The following HNRNPK variants were observed in gnomAD, a reference collection of about 807,000 sequenced individuals.
HNRNPK encodes dC-stretch binding protein.
Under a neutral mutation model 67.0 loss-of-function variants are expected in HNRNPK, and 7 were observed. The ratio of observed to expected loss-of-function variants is 0.10; its 90% CI spans 0.06 to 0.20. The LOEUF (loss-of-function observed/expected upper bound fraction) is 0.20, where lower values mean the gene tolerates loss of function less well. Ranked by LOEUF, HNRNPK falls within the 10% of genes least tolerant of loss-of-function variation. HNRNPK has a pLI of 1.00. For synonymous variants in HNRNPK, 213 were observed against 193.7 expected (o/e 1.10, Z -0.83); for missense variants, 264 against 606.5 (o/e 0.44, Z 5.93).
At chr9:83,975,997 G>A (rs1234530925) in intron 5 of HNRNPK, among the ~76,000 whole-genome samples, 1 of 152,022 alleles carries the variant, frequency 6.6e-6, no homozygotes, top group Non-Finnish European at 1.5e-5. Context: ...GAGGAAATGG[G>A]GAAATTAATA....
At chr9:83,979,244 G>A (rs1295490454) in intron 1 of HNRNPK, among the ~76,000 whole-genome samples, 4 of 152,188 alleles carry the variant, frequency 2.6e-5, no homozygotes, top group Non-Finnish European at 5.9e-5. Context: ...AACAAGCGAG[G>A]CACATTTATG....
In HNRNPK at chr9:83,973,264, G is replaced by A. The variant is rs200301052; in HGVS notation, c.516+22C>T. On this transcript the variant is annotated intron_variant, in intron 9 of 16. Transcript: ENST00000376263. ...AAATTTACTTTCCAGCAAAGAATACGGCAGAATTTTTTTTTTTTTACCTCT... is the reference window on the plus strand; with the variant it reads ...AAATTTACTTTCCAGCAAAGAATACAGCAGAATTTTTTTTTTTTTACCTCT... The A allele has an allele frequency of 4.9e-5, 64 of 1,297,488 alleles. No homozygotes were observed. In the East Asian group the frequency reaches 9.9e-4, roughly 20 times the overall value. The allele number at this position is 1,297,488 out of a possible 1,614,324, so 80.4% of individuals were successfully genotyped here.
chr9:83,968,615 G>C lies in HNRNPK; in HGVS notation c.*792C>G, dbSNP rs7884. The C allele has an allele frequency of 1.3e-5, 2 of 152,522 alleles. No individual in the cohort carries two copies. Among genetic ancestry groups the C allele is most frequent in the South Asian group, 4.2e-4 (2 of 4,816 alleles). 9.4% of individuals were successfully genotyped at this position (152,522 alleles called of 1,614,324 possible). Reference sequence around the variant, plus strand: ...ACCTTAGTTCTTCACAACTAACATAGAAAATTGTTGAAAAGTAGGGGCAAG... The same window carrying C: ...ACCTTAGTTCTTCACAACTAACATACAAAATTGTTGAAAAGTAGGGGCAAG... On this transcript the variant is annotated 3_prime_UTR_variant, in exon 17 of 17. Coordinates refer to ENST00000376263, the MANE Select transcript of HNRNPK (RefSeq NM_031263.4).
intron 16 of HNRNPK, 95 bp downstream of exon 16, chr9:83,970,067 A>C: frequency 4.1e-6 from 4 of 985,696 alleles, no homozygotes; most frequent in South Asian, 1.6e-5. Flanking sequence ...AGGTTGAGAC[A>C]CCATGGCTTC....
At chr9:83,974,875 G>C (rs1957007205) in intron 6 of HNRNPK, among the ~76,000 whole-genome samples, 1 of 152,206 alleles carries the variant, frequency 6.6e-6, no homozygotes, top group South Asian at 2.1e-4. Context: ...AAGCAGAGTT[G>C]AATATTTATG....
rs143712714 is a variant in HNRNPK, at chr9:83,970,809, A to G, written c.1119T>C (p.Tyr373=). The change falls in exon 15 of 17, where the codon TAT becomes TAC. Residue 373 remains tyrosine (Y), a synonymous_variant. Coordinates refer to ENST00000376263, the MANE Select transcript of HNRNPK (RefSeq NM_031263.4). ...CACCATATGAGCCACGACCCCCTGC[A>G]TAGGAATAATCTGATTTAAATAATG... ...PQGGSGYDYS[Y]AGGRGSYGDL... is the part of the protein sequence containing the mutation. The G allele has an allele frequency of 9.9e-6, 16 of 1,611,286 alleles. No homozygotes were observed. Among genetic ancestry groups the G allele is most frequent in the Admixed American group, 5.0e-5 (3 of 59,996 alleles).
intron 5 of HNRNPK, chr9:83,975,752 A>G (rs1315873903): frequency 3.5e-6 from 2 of 569,394 alleles, no homozygotes; most frequent in Non-Finnish European, 6.3e-6. Context: ...GGGGAAAAGC[A>G]ATAAATTTTA....
intron 1 of HNRNPK, among the ~76,000 whole-genome samples, chr9:83,979,865 C>G (rs542329188): frequency 1.4e-4 from 22 of 152,312 alleles, no homozygotes; most frequent in Admixed American, 3.3e-4. Context: ...GACCTTCTCC[C>G]CGCACCGGCC....
At position 83,969,189 on chromosome 9, in the gene HNRNPK, C is replaced by T; in HGVS notation, c.*218G>A. 1.8e-6 allele frequency: 1 copy of T among 565,018 alleles called. No homozygotes were observed. 35.0% of individuals were successfully genotyped at this position (565,018 alleles called of 1,614,324 possible). A position where few individuals can be genotyped will look rare whatever the true frequency, so the allele number is the denominator to read the frequency against. On this transcript the variant is annotated 3_prime_UTR_variant, in exon 17 of 17. Transcript: ENST00000376263. Reference sequence around the variant, plus strand: ...AGTTTTTGCACGCCCTTCCCCCCCCCAACCCTGTTTGTAAGGAACTAAAAC... The same window carrying T: ...AGTTTTTGCACGCCCTTCCCCCCCCTAACCCTGTTTGTAAGGAACTAAAAC...
At chr9:83,978,128 A>C (rs1193258407) in intron 3 of HNRNPK, 67 bp downstream of exon 3, 1 of 1,030,346 alleles carries the variant, frequency 9.7e-7, no homozygotes, top group African/African-American at 1.6e-5. Flanking sequence ...TAAGGCAATA[A>C]TTAACAGAAA....
Position 83,970,045 on chromosome 9 carries a change from T to C in HNRNPK, c.1361+117A>G. ...GCAAACTATTAGAATGTTTAGAAGT[T>C]AGGTCCCCAAAAGGTTGAGACACCA... On this transcript the variant is annotated intron_variant, in intron 16 of 16. Transcript: ENST00000376263. 3.9e-6 allele frequency: 3 copies of C among 774,200 alleles called. No homozygotes were observed. The South Asian group carries it at 5.1e-5, about 13-fold the overall frequency. The allele number at this position is 774,200 out of a possible 1,614,324, so 48.0% of individuals were successfully genotyped here.
chr9:83,972,973 C>CTG lies in HNRNPK; in HGVS notation c.517-3_517-2dup, dbSNP rs1167265830. The CTG allele has an allele frequency of 4.4e-6, 7 of 1,592,312 alleles. No individual in the cohort carries two copies. Among genetic ancestry groups the CTG allele is most frequent in the Admixed American group, 1.7e-5 (1 of 58,130 alleles). ...AAAGCTTGATGGTGGTTTGAGTGTT[C>CTG]TGTAGTAAGATCATAAAAAAAAATA... is the stretch of plus-strand genomic sequence containing the variant. On this transcript the variant is annotated splice_acceptor_variant, in intron 9 of 16. Transcript: ENST00000376263. LOFTEE classifies it high-confidence loss of function.
intron 13 of HNRNPK, 43 bp from the exon 14 acceptor site, chr9:83,970,955 T>C (rs755988059): frequency 1.9e-6 from 3 of 1,584,464 alleles, no homozygotes; most frequent in African/African-American, 2.7e-5. Flanking sequence ...TTTGCCGTTG[T>C]AATTACTACC....
intron 9 of HNRNPK, 73 bp downstream of exon 9, chr9:83,973,210 GAGA>G (rs1956934094): frequency 1.1e-6 from 1 of 904,528 alleles, no homozygotes; most frequent in African/African-American, 1.7e-5. Flanking sequence ...GGGGAAGCGA[GAGA>G]AGCTCACAGA....
At chr9:83,969,891 AT>A in intron 16 of HNRNPK, 1 of 611,778 alleles carries the variant, frequency 1.6e-6, no homozygotes, top group Non-Finnish European at 3.2e-6. Context: ...GCTCTGTACA[AT>A]TTTTAACAAG....
At chr9:83,972,653 C>T (rs1357285020) in intron 10 of HNRNPK, among the ~76,000 whole-genome samples, 191 bp downstream of exon 10, 1 of 152,182 alleles carries the variant, frequency 6.6e-6, no homozygotes, top group East Asian at 1.9e-4. Context: ...GAAATACCAC[C>T]AACAAATTAC....
intron 15 of HNRNPK, 71 bp from the exon 16 acceptor site, chr9:83,970,402 C>T: frequency 8.4e-7 from 1 of 1,194,548 alleles, no homozygotes. Flanking sequence ...TTTCAAGGAG[C>T]ATGAAGTTAT....
At chr9:83,976,604 CAAAA>C (rs1957074359) in intron 5 of HNRNPK, 1 of 158,106 alleles carries the variant, frequency 6.3e-6, no homozygotes, top group African/African-American at 2.4e-5. Flanking sequence ...CCAAAGAAAA[CAAAA>C]AAATTTTTCT....
In HNRNPK at chr9:83,971,990, T is replaced by G; in HGVS notation, c.845A>C (p.Asp282Ala). ...AGGTGGTCCTCGACGAGGGCTCATA[T>G]CATCATAATCTCTTCTAGATGGAGG... ...PMPPSRRDYDDMSPRRGPPPP... is the reference protein window; with the variant it reads ...PMPPSRRDYDAMSPRRGPPPP... The change falls in exon 11 of 17, where the codon GAT becomes GCT. Residue 282 changes from aspartate (D) to alanine (A), a missense_variant. Around this residue, in one of 6 missense-constraint regions of HNRNPK, gnomAD observed 142 missense variants for 256.5 expected, o/e 0.55. Coordinates refer to ENST00000376263, the MANE Select transcript of HNRNPK (RefSeq NM_031263.4). 1 of 1,612,392 alleles carries G rather than the reference T, an allele frequency of 6.2e-7. No homozygotes were observed.
Sources: allele counts gnomAD v4.1 joint callset (sites outside exome capture counted in the v4.1 genomes callset), GRCh38; gene constraint gnomAD v4.1.1; regional missense constraint gnomAD v4.1.1; transcripts MANE v1.5; gene names NCBI Gene and HGNC (gene_info 2026-07-23, HGNC 2026-07-21).